The following SNTG2 variants were observed in gnomAD, a reference collection of about 807,000 sequenced individuals.
SNTG2 encodes gamma-2-syntrophin.
SNTG2 carries 74 observed loss-of-function variants against 70.9 expected under a neutral mutation model. The observed-to-expected ratio is 1.04, with a 90% CI of 0.86 to 1.27. The LOEUF (loss-of-function observed/expected upper bound fraction) is 1.27. Ranked by LOEUF, SNTG2 falls within the 50% of genes most tolerant of loss-of-function variation. The pLI is 0.00. For missense variants in SNTG2, 717 were observed against 690.7 expected (o/e 1.04, Z -0.43); for synonymous variants, 278 against 273.8 (o/e 1.02, Z -0.15).
At chr2:1,247,667 G>T (rs1344048678) in intron 12 of SNTG2, among the ~76,000 whole-genome samples, 1 of 152,196 alleles carries the variant, frequency 6.6e-6, no homozygotes, top group Non-Finnish European at 1.5e-5. Context: ...TAGCCATTAA[G>T]ATATTGTAGA....
intron 4 of SNTG2, among the ~76,000 whole-genome samples, chr2:1,131,872 G>A (rs904641848): frequency 4.6e-5 from 7 of 152,006 alleles, no homozygotes; most frequent in East Asian, 3.9e-4. Context: ...GGATGGTCTC[G>A]ATCTCCTGAC....
chr2:1,365,860 A>G (rs1296697550), intron 16 of SNTG2, among the ~76,000 whole-genome samples: 2 of 152,228 alleles, frequency 1.3e-5, no homozygotes, highest in Non-Finnish European at 2.9e-5. Flanking sequence ...TCTTTGAGTT[A>G]TAAAGAAAAG....
chr2:1,332,725 T>C (rs1045234250), intron 16 of SNTG2, among the ~76,000 whole-genome samples: 1 of 152,190 alleles, frequency 6.6e-6, no homozygotes, highest in Non-Finnish European at 1.5e-5. Flanking sequence ...TCTCAATAGA[T>C]GCAGGTAAAG....
At chr2:1,358,395 T>A (rs1234043630) in intron 16 of SNTG2, among the ~76,000 whole-genome samples, 1 of 151,576 alleles carries the variant, frequency 6.6e-6, no homozygotes. Flanking sequence ...TTTTTTGTAC[T>A]AACTTTGACC....
At chr2:1,230,731 GCCCGGGCCC>G (rs1676161465) in intron 9 of SNTG2, among the ~76,000 whole-genome samples, 1 of 152,182 alleles carries the variant, frequency 6.6e-6, no homozygotes, top group South Asian at 2.1e-4. Context: ...CCAAGCCTAG[GCCCGGGCCC>G]CACACTCAGC....
chr2:1,289,773 C>G (rs147428932), intron 14 of SNTG2, among the ~76,000 whole-genome samples: 236 of 152,298 alleles, frequency 1.5e-3, no homozygotes, highest in African/African-American at 5.2e-3. Flanking sequence ...AGCTCCATTG[C>G]CACTAAACAC....
At chr2:1,128,795 A>G (rs1358058719) in intron 4 of SNTG2, among the ~76,000 whole-genome samples, 1 of 152,072 alleles carries the variant, frequency 6.6e-6, no homozygotes, top group Admixed American at 6.6e-5. Context: ...TCCAGGGCTG[A>G]TAGCCATCAG....
chr2:1,263,430 T>A (rs1678553333), intron 13 of SNTG2, among the ~76,000 whole-genome samples: 2 of 152,302 alleles, frequency 1.3e-5, no homozygotes, highest in South Asian at 4.1e-4. Context: ...TAAATTCCCT[T>A]TATTGTTGCT....
intron 4 of SNTG2, among the ~76,000 whole-genome samples, chr2:1,102,986 T>C (rs1665880396): frequency 6.6e-6 from 1 of 152,168 alleles, no homozygotes; most frequent in Non-Finnish European, 1.5e-5. Flanking sequence ...GATTGTACCG[T>C]TGAGGTGCGG....
intron 1 of SNTG2, among the ~76,000 whole-genome samples, chr2:1,064,420 T>C (rs1663019858): frequency 6.6e-6 from 1 of 150,950 alleles, no homozygotes; most frequent in Non-Finnish European, 1.5e-5. Flanking sequence ...AATGCATTGA[T>C]ATATAATTAT....
At chr2:1,262,004 C>G (rs1242746850) in intron 13 of SNTG2, among the ~76,000 whole-genome samples, 1 of 152,134 alleles carries the variant, frequency 6.6e-6, no homozygotes, top group Non-Finnish European at 1.5e-5. Context: ...GTGTTCTCCA[C>G]GGATCTTCGG....
chr2:1,213,277 TACTC>T lies in SNTG2; in HGVS notation c.719+4051_719+4054del, dbSNP rs1336283816. Among the ~76,000 whole-genome samples, 5 of 152,332 alleles carry T rather than the reference TACTC, an allele frequency of 3.3e-5. 1 individual carries two copies. Among genetic ancestry groups the T allele is most frequent in the East Asian group, 3.9e-4 (2 of 5,174 alleles). On this transcript the variant is annotated intron_variant, in intron 9 of 16. Coordinates refer to ENST00000308624, the MANE Select transcript of SNTG2 (RefSeq NM_018968.4). ...ATTTTGAAATATACAATACAGTACT[TACTC>T]ACTTAACATCATTGATTGGTCCTCA...
intron 11 of SNTG2, among the ~76,000 whole-genome samples, chr2:1,243,706 C>T (rs72768890): frequency 1.6e-3 from 250 of 152,252 alleles, no homozygotes; most frequent in Non-Finnish European, 3.1e-3. Flanking sequence ...TAAATTGCAG[C>T]GCATGATTAA....
chr2:1,179,833 T>C, intron 8 of SNTG2, among the ~76,000 whole-genome samples: 1 of 143,848 alleles, frequency 7.0e-6, no homozygotes, highest in Admixed American at 7.4e-5. Context: ...AAGGCTACAG[T>C]AACCAAAACA....
intron 1 of SNTG2, among the ~76,000 whole-genome samples, chr2:1,024,242 T>C (rs1244735832): frequency 6.6e-6 from 1 of 152,126 alleles, no homozygotes; most frequent in East Asian, 1.9e-4. Flanking sequence ...GAGGGACCAA[T>C]ATGAAGAAAA....
chr2:1,297,943 A>G (rs1260691160), intron 14 of SNTG2, among the ~76,000 whole-genome samples: 1 of 152,110 alleles, frequency 6.6e-6, no homozygotes, highest in African/African-American at 2.4e-5. Context: ...GTTGGTCTGT[A>G]TGAATCTAGA....
Position 1,185,353 on chromosome 2 carries a change from G to A in SNTG2, c.591+12170G>A, listed in dbSNP as rs533648205. Among the ~76,000 whole-genome samples, 14 of 152,258 alleles carry A rather than the reference G, an allele frequency of 9.2e-5. No individual in the cohort carries two copies. The South Asian group carries it at 2.9e-3, about 32-fold the overall frequency. On this transcript the variant is annotated intron_variant, in intron 8 of 16. Coordinates refer to ENST00000308624, the MANE Select transcript of SNTG2 (RefSeq NM_018968.4). Reference sequence around the variant, plus strand: ...TCATTCTGGGGTCTGGAGGATGGTAGCCTTCTTCTCACAGTTCCAGTAGTC... The same window carrying A: ...TCATTCTGGGGTCTGGAGGATGGTAACCTTCTTCTCACAGTTCCAGTAGTC...
intron 1 of SNTG2, among the ~76,000 whole-genome samples, chr2:999,575 A>G (rs1413816575): frequency 6.6e-6 from 1 of 152,080 alleles, no homozygotes; most frequent in Non-Finnish European, 1.5e-5. Flanking sequence ...AAAGGTATCA[A>G]TTCCACAGGA....
At position 1,221,690 on chromosome 2, in the gene SNTG2, TC is replaced by T. The variant is rs1674883404; in HGVS notation, c.719+12461del. Among the ~76,000 whole-genome samples, 4 of 4,334 alleles carry T rather than the reference TC, an allele frequency of 9.2e-4. 2 individuals carry two copies. Among genetic ancestry groups the T allele is most frequent in the African/African-American group, 6.7e-3 (4 of 594 alleles). The allele number at this position is 4,334 out of a possible 152,430, so 2.8% of individuals were successfully genotyped here. A position where few individuals can be genotyped will look rare whatever the true frequency, so the allele number is the denominator to read the frequency against. Reference sequence around the variant, plus strand: ...CCCCCGGTCTCGGTCTCTCTCTCTCTCGGTTCTTCTCGGTCTCTGTCTCTGT... The same window carrying T: ...CCCCCGGTCTCGGTCTCTCTCTCTCTGGTTCTTCTCGGTCTCTGTCTCTGT... On this transcript the variant is annotated intron_variant, in intron 9 of 16. Coordinates refer to ENST00000308624, the MANE Select transcript of SNTG2 (RefSeq NM_018968.4).
Sources: gnomAD v4.1 joint callset for allele counts (sites outside exome capture counted in the v4.1 genomes callset) on GRCh38, gnomAD v4.1.1 for gene constraint, MANE v1.5 for transcripts, NCBI Gene and HGNC (gene_info 2026-07-23, HGNC 2026-07-21) for gene names.